The following MDN1 variants were observed in gnomAD, a reference collection of about 807,000 sequenced individuals.
The protein encoded by MDN1 is midasin AAA ATPase 1.
MDN1 carries 266 observed loss-of-function variants against 669.2 expected under a neutral mutation model. The ratio of observed to expected loss-of-function variants is 0.40; its 90% CI spans 0.36 to 0.44. The LOEUF is 0.44. MDN1 is among the 20% of genes least tolerant of loss of function. The pLI is 1.00. For synonymous variants in MDN1, 2,385 were observed against 2,457.1 expected (o/e 0.97, Z 0.87); for missense variants, 5,940 against 6,754.0 (o/e 0.88, Z 4.22).
rs149322733 is a variant in MDN1, at chr6:89,672,284, G to A, written c.13710C>T (p.His4570=). The A allele has an allele frequency of 8.6e-5, 138 of 1,612,340 alleles. 1 individual carries two copies. The South Asian group carries it at 1.1e-3, about 13-fold the overall frequency. The change falls in exon 82 of 102, where the codon CAC becomes CAT. Residue 4570 remains histidine, a synonymous_variant. Transcript: ENST00000369393. ...DDFWADVSTL[H]VQKIISAISE... is the part of the protein sequence containing the mutation. ...AGATGGCAGAAATTATTTTCTGCAC[G>A]TGCAAAGTGCTCACATCGGCCCAGA...
chr6:89,655,203 G>T (rs1809168348), intron 92 of MDN1, among the ~76,000 whole-genome samples: 1 of 151,962 alleles, frequency 6.6e-6, no homozygotes, highest in Admixed American at 6.6e-5. Flanking sequence ...CTCAATATAA[G>T]TTTACATATT....
intron 84 of MDN1, among the ~76,000 whole-genome samples, chr6:89,666,007 C>T (rs774515069): frequency 2.6e-5 from 4 of 152,214 alleles, no homozygotes; most frequent in Admixed American, 1.3e-4. Context: ...TGCCACTGCA[C>T]TCCAGCCTTG....
intron 1 of MDN1, among the ~76,000 whole-genome samples, chr6:89,803,772 G>A (rs1767821236): frequency 6.6e-6 from 1 of 151,546 alleles, no homozygotes; most frequent in East Asian, 1.9e-4. Flanking sequence ...TAGTAGAGAC[G>A]GGGTTTCACC....
chr6:89,667,902 G>T, intron 84 of MDN1, 112 bp downstream of exon 84: 1 of 1,349,884 alleles, frequency 7.4e-7, no homozygotes, highest in South Asian at 1.5e-5. Context: ...GGGCTCTGTA[G>T]ATCACAGATT....
At chr6:89,723,222 A>G (rs1239039358) in intron 39 of MDN1, 79 bp from the exon 40 acceptor site, 18 of 1,382,566 alleles carry the variant, frequency 1.3e-5, no homozygotes, top group Non-Finnish European at 1.6e-5. Flanking sequence ...AATGTACTAC[A>G]AAAGCATATG....
chr6:89,758,734 T>TAAC (rs1015284918), intron 18 of MDN1, 82 bp downstream of exon 18: 2 of 1,477,312 alleles, frequency 1.4e-6, no homozygotes, highest in South Asian at 1.2e-5. Flanking sequence ...GTCATCCTTC[T>TAAC]AACAACAACA....
At chr6:89,734,519 G>A (rs1049668537) in intron 33 of MDN1, among the ~76,000 whole-genome samples, 1 of 151,880 alleles carries the variant, frequency 6.6e-6, no homozygotes, top group African/African-American at 2.4e-5. Flanking sequence ...TGGCCATGGT[G>A]GGCACGTCTG....
rs923548176 is a variant in MDN1, at chr6:89,674,488, T to C, written c.12863A>G (p.Glu4288Gly). ...CTGCATGGCCAGGTGCTGCAGGCGC[T>C]CTGTCCACTGCTGCACGCCATCCTG... ...PPQDGVQQWT[E>G]RLQHLAMQCQ... Residue 4288 changes from glutamate (E) to glycine (G), a missense_variant, in exon 79 of 102, where the codon GAG becomes GGG. Physicochemically the swap from Glu to Gly is moderately conservative, Grantham distance 98. Around this residue, in one of 5 missense-constraint regions of MDN1, gnomAD observed 2,280 missense variants for 2,576.3 expected, o/e 0.88. Transcript: ENST00000369393. The C allele has an allele frequency of 6.2e-7, 1 of 1,612,834 alleles. No individual in the cohort carries two copies. Among genetic ancestry groups the C allele is most frequent in the East Asian group, 2.2e-5 (1 of 44,876 alleles).
intron 1 of MDN1, among the ~76,000 whole-genome samples, chr6:89,817,213 G>A (rs1768899801): frequency 6.6e-6 from 1 of 152,108 alleles, no homozygotes; most frequent in Non-Finnish European, 1.5e-5. Context: ...GACCACCTTG[G>A]GCACATTTTC....
At chr6:89,673,670 A>G in intron 79 of MDN1, 2 of 566,048 alleles carry the variant, frequency 3.5e-6, no homozygotes, top group South Asian at 2.4e-5. Flanking sequence ...TTCTATTACT[A>G]AACACCTAGG....
Position 89,688,555 on chromosome 6 carries a change from C to T in MDN1, c.11259+18G>A. On this transcript the variant is annotated intron_variant, in intron 66 of 101. Transcript: ENST00000369393. Reference sequence around the variant, plus strand: ...AGACTCAGTACTGTGAGCACTCCTTCCTCAACAGCTGCCCTACCTGTTCAA... The same window carrying T: ...AGACTCAGTACTGTGAGCACTCCTTTCTCAACAGCTGCCCTACCTGTTCAA... 6.2e-7 allele frequency: 1 copy of T among 1,606,804 alleles called. No individual in the cohort carries two copies. The highest frequency in any genetic ancestry group is 1.1e-5 in the South Asian group (1 of 90,128).
At chr6:89,661,869 T>C (rs1809792047) in intron 87 of MDN1, among the ~76,000 whole-genome samples, 1 of 152,222 alleles carries the variant, frequency 6.6e-6, no homozygotes, top group East Asian at 1.9e-4. Flanking sequence ...TTCTGATCTA[T>C]AGCATGAGCC....
intron 20 of MDN1, among the ~76,000 whole-genome samples, chr6:89,755,930 T>A (rs1214657286): frequency 6.6e-6 from 1 of 152,218 alleles, no homozygotes; most frequent in African/African-American, 2.4e-5. Context: ...GTATAAATAT[T>A]GCAAATAGAA....
chr6:89,682,699 TAAAAAA>T (rs143107841), intron 73 of MDN1, among the ~76,000 whole-genome samples: 4 of 96,896 alleles, frequency 4.1e-5, no homozygotes, highest in East Asian at 2.3e-4. Flanking sequence ...GACTCTGTCT[TAAAAAA>T]AAAAAAAAAA....
At chr6:89,687,518 T>G in intron 67 of MDN1, 80 bp from the exon 68 acceptor site, 1 of 1,274,976 alleles carries the variant, frequency 7.8e-7, no homozygotes, top group African/African-American at 1.5e-5. Flanking sequence ...ATCTTGAACT[T>G]TGCTTGAGTG....
rs1811292812 is a variant in MDN1, at chr6:89,677,608, T to C, written c.12501A>G (p.Ala4167=). The C allele has an allele frequency of 6.2e-7, 1 of 1,614,140 alleles. No homozygotes were observed. Among genetic ancestry groups the C allele is most frequent in the Non-Finnish European group, 8.5e-7 (1 of 1,180,018 alleles). ...CCTGAGTGCTGCTGACGATGGACAA[T>C]GCGCTCTGGAGATCTAATGGGTGAA... The part of the protein sequence containing the change: ...LHLHPLDLQS[A]LSIVSSTQEA... Residue 4167 remains alanine (A), a synonymous_variant, in exon 76 of 102, where the codon GCA becomes GCG. Coordinates refer to ENST00000369393, the MANE Select transcript of MDN1 (RefSeq NM_014611.3).
chr6:89,749,094 C>A lies in MDN1; in HGVS notation c.3762+129G>T, dbSNP rs970563491. ...AAATAAATAATAAAAAAATTAAAAA[C>A]AATAAAAAATAAAAAAAAATCTCTA... On this transcript the variant is annotated intron_variant, in intron 26 of 101. Coordinates refer to ENST00000369393, the MANE Select transcript of MDN1 (RefSeq NM_014611.3). 101 of 872,014 alleles carry A rather than the reference C, an allele frequency of 1.2e-4. No homozygotes were observed. In the Middle Eastern group the frequency reaches 2.2e-3, roughly 19 times the overall value. 54.0% of individuals were successfully genotyped at this position (872,014 alleles called of 1,614,324 possible).
intron 22 of MDN1, among the ~76,000 whole-genome samples, 173 bp from the exon 23 acceptor site, chr6:89,751,755 G>A (rs1816970197): frequency 6.6e-6 from 1 of 152,154 alleles, no homozygotes; most frequent in African/African-American, 2.4e-5. Flanking sequence ...ACAAAATGGT[G>A]TTATATATTG....
intron 15 of MDN1, 120 bp from the exon 16 acceptor site, chr6:89,762,650 C>T (rs1817615004): frequency 4.4e-6 from 3 of 689,318 alleles, no homozygotes; most frequent in East Asian, 2.7e-5. Context: ...AGAAATACTA[C>T]TGAAATATTT....
Sources: allele counts gnomAD v4.1 joint callset (sites outside exome capture counted in the v4.1 genomes callset), GRCh38; gene constraint gnomAD v4.1.1; regional missense constraint gnomAD v4.1.1; transcripts MANE v1.5; gene names NCBI Gene and HGNC (gene_info 2026-07-23, HGNC 2026-07-21).